The following MYL4 variants were observed in gnomAD, a reference collection of about 807,000 sequenced individuals.
MYL4 encodes atrial myosin light chain 1.
Under a neutral mutation model 21.6 loss-of-function variants are expected in MYL4, and 16 were observed. The observed-to-expected ratio is 0.74, with a 90% CI of 0.50 to 1.12. The LOEUF is 1.12. MYL4 is among the 50% of genes most tolerant of loss of function. MYL4 has a pLI of 0.00. For synonymous variants in MYL4, 82 were observed against 95.7 expected (o/e 0.86, Z 0.83); for missense variants, 249 against 252.9 (o/e 0.98, Z 0.11).
intron 1 of MYL4, 31 bp from the exon 2 acceptor site, chr17:47,213,768 C>A: frequency 6.2e-7 from 1 of 1,613,626 alleles, no homozygotes. Flanking sequence ...TTTAGCAATC[C>A]AAGCCCTCAC....
intron 5 of MYL4, 80 bp from the exon 6 acceptor site, chr17:47,222,934 G>A: frequency 1.3e-6 from 2 of 1,535,300 alleles, no homozygotes; most frequent in South Asian, 1.1e-5. Flanking sequence ...TAGAAGTCAG[G>A]CAGTGTAGAG....
chr17:47,207,794 C>T (rs148119058), upstream of MYL4, among the ~76,000 whole-genome samples: 302 of 152,060 alleles, frequency 2.0e-3, 1 homozygote, highest in African/African-American at 7.0e-3. Context: ...AGTAAATGCT[C>T]GTTATAAAAA....
intron 2 of MYL4, chr17:47,214,028 C>T (rs1481431693): frequency 1.7e-6 from 1 of 575,252 alleles, no homozygotes; most frequent in African/African-American, 1.9e-5. Flanking sequence ...ATTCTCATAA[C>T]AACACCATGA....
intron 1 of MYL4, among the ~76,000 whole-genome samples, chr17:47,211,461 A>C (rs922964635): frequency 2.3e-4 from 35 of 152,336 alleles, no homozygotes; most frequent in Middle Eastern, 3.4e-3. Flanking sequence ...TGTAGTTAGG[A>C]CCACGTCTAT....
intron 4 of MYL4, 46 bp downstream of exon 4, chr17:47,221,901 G>T (rs888584070): frequency 6.3e-7 from 1 of 1,588,060 alleles, no homozygotes. Context: ...AGGAATGGAG[G>T]GGTGGGAGGT....
At chr17:47,219,534 A>T (rs965092886) in intron 2 of MYL4, among the ~76,000 whole-genome samples, 4 of 151,836 alleles carry the variant, frequency 2.6e-5, no homozygotes, top group Non-Finnish European at 5.9e-5. Context: ...TTCAAGATGG[A>T]GTTTCACTCT....
chr17:47,223,302 G>A (rs191610631), intron 6 of MYL4: 4 of 502,588 alleles, frequency 8.0e-6, no homozygotes, highest in Non-Finnish European at 1.4e-5. Flanking sequence ...TCAAGGCAAT[G>A]CCCTTCCCTC....
At chr17:47,201,262 G>A (rs990101650) in intron 1 of MYL4, among the ~76,000 whole-genome samples, 1 of 152,008 alleles carries the variant, frequency 6.6e-6, no homozygotes, top group Non-Finnish European at 1.5e-5. Context: ...CTCCTTTTCT[G>A]CTTTCATTTT....
At chr17:47,216,941 G>T (rs936712035) in intron 2 of MYL4, among the ~76,000 whole-genome samples, 2 of 152,050 alleles carry the variant, frequency 1.3e-5, no homozygotes, top group African/African-American at 4.8e-5. Context: ...TGATCTGCCC[G>T]CCTTGGCCTC....
the MYL4 span, among the ~76,000 whole-genome samples, chr17:47,194,499 T>G: frequency 1.9e-3 from 289 of 152,352 alleles, 1 homozygote; most frequent in Middle Eastern, 6.8e-3. Flanking sequence ...CAAAGTGGCA[T>G]ATATCAGTGT....
At chr17:47,219,866 T>C (rs2064841614) in intron 2 of MYL4, 38 bp from the exon 3 acceptor site, 6 of 1,613,790 alleles carry the variant, frequency 3.7e-6, no homozygotes, top group Non-Finnish European at 5.1e-6. Context: ...CCACCTTCAC[T>C]GGGGATTGGA....
chr17:47,200,725 G>C (rs1262035961), intron 1 of MYL4: 2 of 152,252 alleles, frequency 1.3e-5, no homozygotes, highest in African/African-American at 4.8e-5. Flanking sequence ...CCTTCTCACA[G>C]GATTCAGTTC....
exon 1 of MYL4, chr17:47,200,451 G>T (rs927647419): frequency 3.9e-5 from 6 of 152,138 alleles, no homozygotes; most frequent in Admixed American, 3.9e-4. Flanking sequence ...TCCCATGGTT[G>T]TCTTAGCATC....
At position 47,209,551 on chromosome 17, in the gene MYL4, T is replaced by C. The variant is rs1182219735; in HGVS notation, c.129T>C (p.Ser43=). 20 of 1,613,784 alleles carry C rather than the reference T, an allele frequency of 1.2e-5. No homozygotes were observed. The highest frequency in any genetic ancestry group is 1.4e-5 in the Non-Finnish European group (17 of 1,179,964). The change falls in exon 1 of 7, where the codon AGT becomes AGC. Residue 43 remains serine, a synonymous_variant. Transcript: ENST00000393450. ...AGGAACCTGCCTTTGACCCCAAGAG[T>C]GTAAAGGTAAGTGAGGCTCAGCCAT... is the stretch of plus-strand genomic sequence containing the variant. ...APKEPAFDPK[S]VKIDFTADQI... is the part of the protein sequence containing the mutation.
At chr17:47,195,646 GC>G (rs2064686860), upstream of MYL4, among the ~76,000 whole-genome samples, 1 of 152,142 alleles carries the variant, frequency 6.6e-6, no homozygotes, top group Non-Finnish European at 1.5e-5. Context: ...TGCCTCACAG[GC>G]TTTGCATGTA....
In MYL4 at chr17:47,209,558, G is replaced by A. The variant is rs1253171024; in HGVS notation, c.135+1G>A. ...TGCCTTTGACCCCAAGAGTGTAAAG[G>A]TAAGTGAGGCTCAGCCATTGGGATA... is the stretch of plus-strand genomic sequence containing the variant. On this transcript the variant is annotated splice_donor_variant, in intron 1 of 6. Coordinates refer to ENST00000393450, the MANE Select transcript of MYL4 (RefSeq NM_002476.2). LOFTEE classifies it high-confidence loss of function. 3 of 1,614,082 alleles carry A rather than the reference G, an allele frequency of 1.9e-6. No individual in the cohort carries two copies. The highest frequency in any genetic ancestry group is 2.5e-6 in the Non-Finnish European group (3 of 1,180,048).
intron 1 of MYL4, among the ~76,000 whole-genome samples, chr17:47,210,086 T>C (rs892164778): frequency 6.6e-6 from 1 of 152,106 alleles, no homozygotes; most frequent in African/African-American, 2.4e-5. Context: ...GGAAGGAGGT[T>C]GTGGTTAAGG....
chr17:47,212,094 G>A (rs1338413784), intron 1 of MYL4, among the ~76,000 whole-genome samples: 1 of 151,948 alleles, frequency 6.6e-6, no homozygotes, highest in Non-Finnish European at 1.5e-5. Context: ...GCGTTATGGC[G>A]GGTGCCTGTA....
chr17:47,198,666 A>G (rs892921214), upstream of MYL4, among the ~76,000 whole-genome samples: 4 of 152,198 alleles, frequency 2.6e-5, no homozygotes, highest in African/African-American at 9.6e-5. Context: ...AGAGCCTCAG[A>G]TGAGAAATAT....
Sources: allele counts gnomAD v4.1 joint callset (sites outside exome capture counted in the v4.1 genomes callset), GRCh38; gene constraint gnomAD v4.1.1; transcripts MANE v1.5; gene names NCBI Gene and HGNC (gene_info 2026-07-23, HGNC 2026-07-21).